The following TMTC3 variants were observed in gnomAD, a reference collection of about 807,000 sequenced individuals.
TMTC3 encodes the protein protein O-mannosyl-transferase TMTC3.
In TMTC3, 52 loss-of-function variants were observed where a neutral mutation model predicts 92.2. The observed-to-expected ratio is 0.56, with a 90% CI of 0.45 to 0.71. TMTC3 has a LOEUF of 0.71. Ranked by LOEUF, TMTC3 falls within the 30% of genes least tolerant of loss-of-function variation. TMTC3 has a pLI of 0.00. For missense variants in TMTC3, 896 were observed against 1,057.1 expected, an observed-to-expected ratio of 0.85 and a Z score of 2.11; for synonymous variants, 339 against 363.3, an observed-to-expected ratio of 0.93 and a Z score of 0.76.
At chr12:88,158,916 G>A (rs761504284) in intron 4 of TMTC3, among the ~76,000 whole-genome samples, 7 of 151,866 alleles carry the variant, frequency 4.6e-5, no homozygotes, top group Non-Finnish European at 8.8e-5. Flanking sequence ...GCCAGGCATG[G>A]TGGTGCATGC....
chr12:88,180,400 G>C (rs900875737), intron 10 of TMTC3, among the ~76,000 whole-genome samples: 7 of 152,152 alleles, frequency 4.6e-5, no homozygotes, highest in Non-Finnish European at 1.0e-4. Flanking sequence ...CAGGGTGAAA[G>C]AAAGGCGGAT....
chr12:88,173,556 C>G (rs1052621352), intron 8 of TMTC3, among the ~76,000 whole-genome samples: 1 of 152,050 alleles, frequency 6.6e-6, no homozygotes, highest in Non-Finnish European at 1.5e-5. Flanking sequence ...ATTAATTCTT[C>G]TGGCTGCACC....
Position 88,168,578 on chromosome 12 carries a change from C to G in TMTC3, c.1050+1996C>G, listed in dbSNP as rs145643034. On this transcript the variant is annotated intron_variant, in intron 7 of 13. Coordinates refer to ENST00000266712, the MANE Select transcript of TMTC3 (RefSeq NM_181783.4). ...ATTTTTATTGGCGTACTCAGCTACT[C>G]AGCTGACTTTTTTGAATGCGGATAT... Among the ~76,000 whole-genome samples the G allele has an allele frequency of 3.5e-3, 537 of 152,234 alleles. 6 individuals are homozygous for G. The highest frequency in any genetic ancestry group is 0.013 in the African/African-American group (521 of 41,538).
chr12:88,182,522 T>A (rs1324142237), intron 10 of TMTC3, among the ~76,000 whole-genome samples: 1 of 152,150 alleles, frequency 6.6e-6, no homozygotes, highest in East Asian at 1.9e-4. Flanking sequence ...AATTTAACCT[T>A]TTGAGGTCTA....
At chr12:88,147,920 T>C (rs1485652010) in intron 1 of TMTC3, among the ~76,000 whole-genome samples, 2 of 152,142 alleles carry the variant, frequency 1.3e-5, no homozygotes, top group African/African-American at 4.8e-5. Context: ...CTAAAATATA[T>C]GGACAGACTT....
chr12:88,172,893 T>C (rs2041221041), intron 8 of TMTC3, 148 bp downstream of exon 8: 1 of 1,504,296 alleles, frequency 6.6e-7, no homozygotes, highest in African/African-American at 1.4e-5. Flanking sequence ...GTCTTGTAAG[T>C]CAAGTTAGGA....
chr12:88,182,177 G>A (rs1184624939), intron 10 of TMTC3, among the ~76,000 whole-genome samples: 2 of 152,314 alleles, frequency 1.3e-5, no homozygotes, highest in African/African-American at 4.8e-5. Flanking sequence ...GTCCCAGTAC[G>A]TGAGCAAAAA....
intron 10 of TMTC3, among the ~76,000 whole-genome samples, chr12:88,184,643 A>G (rs898935675): frequency 1.3e-5 from 2 of 152,228 alleles, no homozygotes; most frequent in African/African-American, 4.8e-5. Flanking sequence ...GTATTTGAGA[A>G]TTTACCATGT....
At chr12:88,170,525 G>A (rs987752402) in intron 7 of TMTC3, among the ~76,000 whole-genome samples, 3 of 152,070 alleles carry the variant, frequency 2.0e-5, no homozygotes, top group African/African-American at 7.2e-5. Context: ...GTATGATGGT[G>A]ACCAGTTTGA....
At chr12:88,191,130 G>A (rs2041437786) in intron 12 of TMTC3, among the ~76,000 whole-genome samples, 7 of 151,902 alleles carry the variant, frequency 4.6e-5, no homozygotes, top group Admixed American at 4.6e-4. Context: ...TATTACTTTT[G>A]AGGAAAAATG....
rs199590664 is a variant in TMTC3 at position 88,172,673 on chromosome 12, G to A, written c.1127G>A (p.Arg376Gln). The A allele has an allele frequency of 6.3e-6, 10 of 1,590,942 alleles. No homozygotes were observed. Among genetic ancestry groups the A allele is most frequent in the East Asian group, 4.6e-5 (2 of 43,694 alleles). The part of the protein sequence containing the change: ...FFPVGFVVAE[R>Q]VLYVPSMGFC... ...CCAGTTGGATTTGTTGTTGCCGAGC[G>A]AGTATTATATGTTCCCAGCATGGGG... Residue 376 changes from arginine (R) to glutamine (Q), a missense_variant, in exon 8 of 14, where the codon CGA becomes CAA. Transcript: ENST00000266712.
At chr12:88,158,012 G>A (rs2138376938) in intron 4 of TMTC3, among the ~76,000 whole-genome samples, 1 of 152,238 alleles carries the variant, frequency 6.6e-6, no homozygotes, top group African/African-American at 2.4e-5. Flanking sequence ...TTTAAAATCA[G>A]AAGAACCATG....
In TMTC3 at chr12:88,199,878, C is replaced by T. The variant is rs184123543; in HGVS notation, c.*4229C>T. Reference sequence around the variant, plus strand: ...TTTCTGCCTTAAATAAAATAACCCTCAAAAAACCATTCTAGTTTGCCCTTT... The same window carrying T: ...TTTCTGCCTTAAATAAAATAACCCTTAAAAAACCATTCTAGTTTGCCCTTT... On this transcript the variant is annotated 3_prime_UTR_variant, in exon 14 of 14. Coordinates refer to ENST00000266712, the MANE Select transcript of TMTC3 (RefSeq NM_181783.4). 1 of 152,296 alleles carries T rather than the reference C, an allele frequency of 6.6e-6. No individual in the cohort carries two copies. Among genetic ancestry groups the T allele is most frequent in the East Asian group, 1.9e-4 (1 of 5,178 alleles). The allele number at this position is 152,296 out of a possible 1,614,324, so 9.4% of individuals were successfully genotyped here. A position where few individuals can be genotyped will look rare whatever the true frequency, so the allele number is the denominator to read the frequency against.
intron 6 of TMTC3, among the ~76,000 whole-genome samples, chr12:88,164,814 A>T (rs2041125280): frequency 6.6e-6 from 1 of 152,130 alleles, no homozygotes; most frequent in South Asian, 2.1e-4. Context: ...TAATTTTTAA[A>T]CCCAAAACTG....
At chr12:88,150,017 A>G (rs950585047) in intron 2 of TMTC3, among the ~76,000 whole-genome samples, 3 of 152,296 alleles carry the variant, frequency 2.0e-5, no homozygotes, top group South Asian at 2.1e-4. Flanking sequence ...TTAGCTGGCC[A>G]TATTAAATGG....
At chr12:88,184,439 G>A (rs1415880844) in intron 10 of TMTC3, among the ~76,000 whole-genome samples, 3 of 152,078 alleles carry the variant, frequency 2.0e-5, no homozygotes, top group Non-Finnish European at 2.9e-5. Flanking sequence ...AATTCCCTTC[G>A]GAAGCTTTTG....
intron 4 of TMTC3, among the ~76,000 whole-genome samples, chr12:88,157,510 T>G (rs2138376076): frequency 6.6e-6 from 1 of 152,196 alleles, no homozygotes; most frequent in South Asian, 2.1e-4. Context: ...ATATCACTAC[T>G]CATCTTTCCC....
chr12:88,189,220 A>G (rs1053858807), intron 11 of TMTC3, among the ~76,000 whole-genome samples: 24 of 151,774 alleles, frequency 1.6e-4, no homozygotes, highest in African/African-American at 5.3e-4. Flanking sequence ...CAGCCTCCCA[A>G]GTAGCTGGGA....
intron 13 of TMTC3, among the ~76,000 whole-genome samples, 192 bp downstream of exon 13, chr12:88,193,022 A>T (rs1304570584): frequency 2.6e-5 from 4 of 152,168 alleles, no homozygotes; most frequent in African/African-American, 9.6e-5. Flanking sequence ...ATGCATTCTA[A>T]CATATGATAA....
Sources: gnomAD v4.1 joint callset for allele counts (sites outside exome capture counted in the v4.1 genomes callset) on GRCh38, gnomAD v4.1.1 for gene constraint, MANE v1.5 for transcripts, NCBI Gene and HGNC (gene_info 2026-07-23, HGNC 2026-07-21) for gene names.